PHF14: variants seen among roughly 807,000 people sequenced by gnomAD.
PHF14 encodes the protein PHD finger protein 14.
Under a neutral mutation model 117.9 loss-of-function variants are expected in PHF14, and 55 were observed. That is an observed-to-expected ratio of 0.47 (90% CI 0.38 to 0.58). The LOEUF (loss-of-function observed/expected upper bound fraction) is 0.58, where lower values mean the gene tolerates loss of function less well. PHF14 is among the 20% of genes least tolerant of loss of function. The pLI is 0.00. For synonymous variants in PHF14, 409 were observed against 368.6 expected (o/e 1.11, Z -1.26); for missense variants, 978 against 1,122.2 (o/e 0.87, Z 1.84).
At chr7:11,042,046 C>A (rs1473455165) in intron 12 of PHF14, among the ~76,000 whole-genome samples, 1 of 151,810 alleles carries the variant, frequency 6.6e-6, no homozygotes, top group East Asian at 1.9e-4. Flanking sequence ...ACCAAAAGAT[C>A]CTAAAATAAT....
chr7:10,985,432 C>G (rs1429901371), intron 3 of PHF14, among the ~76,000 whole-genome samples: 1 of 151,898 alleles, frequency 6.6e-6, no homozygotes, highest in Non-Finnish European at 1.5e-5. Flanking sequence ...TATAAGCAGG[C>G]AGACATTTTT....
At chr7:11,167,235 G>A (rs1464972986) in intron 17 of PHF14, among the ~76,000 whole-genome samples, 1 of 152,154 alleles carries the variant, frequency 6.6e-6, no homozygotes, top group East Asian at 1.9e-4. Context: ...TTAGTAGACT[G>A]TCCGTGTGAT....
Position 11,076,567 on chromosome 7 carries a change from C to CTT in PHF14, c.2654+14499_2654+14500dup, listed in dbSNP as rs71023886. On this transcript the variant is annotated intron_variant, in intron 16 of 17. Transcript: ENST00000634607. ...TTATCTTGGATATTTTTTTCTTTTT[C>CTT]TTTTTTTTTTTTTTTTTTGAGGCAG... Among the ~76,000 whole-genome samples, 445 of 124,712 alleles carry CTT rather than the reference C, an allele frequency of 3.6e-3. 6 individuals carry two copies. Among genetic ancestry groups the CTT allele is most frequent in the East Asian group, 8.2e-3 (35 of 4,270 alleles). 81.8% of individuals were successfully genotyped at this position (124,712 alleles called of 152,430 possible).
At chr7:11,112,734 G>A (rs7805731) in intron 17 of PHF14, among the ~76,000 whole-genome samples, 2,126 of 151,750 alleles carry the variant, frequency 0.014, 44 homozygotes, top group African/African-American at 0.049. Context: ...TCACGCCATT[G>A]CATGCCAACC....
intron 2 of PHF14, among the ~76,000 whole-genome samples, chr7:10,979,129 T>G (rs1781970225): frequency 6.6e-6 from 1 of 152,208 alleles, no homozygotes. Context: ...ATCATATTGA[T>G]TTTGTTATGG....
chr7:11,018,889 G>A (rs1259494595), intron 5 of PHF14, among the ~76,000 whole-genome samples: 3 of 152,032 alleles, frequency 2.0e-5, no homozygotes, highest in South Asian at 2.1e-4. Context: ...GTCATATATC[G>A]CTTTTATTAT....
chr7:11,025,798 A>AAAAAAG (rs1209200452), intron 6 of PHF14, among the ~76,000 whole-genome samples: 5 of 151,374 alleles, frequency 3.3e-5, no homozygotes, highest in Admixed American at 2.6e-4. Flanking sequence ...CCGTCTCAAA[A>AAAAAAG]AAAAAGAAAA....
chr7:11,108,482 A>C (rs1320946999), intron 16 of PHF14: 5 of 151,706 alleles, frequency 3.3e-5, no homozygotes, highest in Admixed American at 2.6e-4. Context: ...TATCACCCCT[A>C]ATTCTGACAA....
At chr7:11,162,123 C>CT (rs1789061614) in intron 17 of PHF14, among the ~76,000 whole-genome samples, 1 of 100,744 alleles carries the variant, frequency 9.9e-6, no homozygotes. Context: ...GAGCCTTGCT[C>CT]TGTCTCCCAG....
At chr7:11,165,643 A>G (rs1460652376) in intron 17 of PHF14, among the ~76,000 whole-genome samples, 3 of 152,202 alleles carry the variant, frequency 2.0e-5, no homozygotes, top group African/African-American at 7.2e-5. Context: ...CAGATGCTAA[A>G]ATAGTTGGCC....
intron 17 of PHF14, among the ~76,000 whole-genome samples, chr7:11,149,666 G>A (rs927397164): frequency 2.6e-5 from 4 of 152,058 alleles, no homozygotes; most frequent in Admixed American, 6.6e-5. Context: ...AATTTAGGGA[G>A]ATAAATAAAA....
chr7:11,040,735 G>A lies in PHF14; in HGVS notation c.2140G>A (p.Gly714Ser). 1 of 1,567,090 alleles carries A rather than the reference G, an allele frequency of 6.4e-7. No individual in the cohort carries two copies. Among genetic ancestry groups the A allele is most frequent in the Admixed American group, 1.9e-5 (1 of 53,628 alleles). Residue 714 changes from glycine (G) to serine (S), a missense_variant, in exon 12 of 18, where the codon GGC (glycine) becomes AGC (serine). Transcript: ENST00000634607. ...KERKPSKKEGGTQKTSTLPAV... is the reference protein window; with the variant it reads ...KERKPSKKEGSTQKTSTLPAV... ...GAGAAAACCAAGTAAAAAAGAAGGA[G>A]GCACACAAAAGACATCTACTCTTCC...
intron 16 of PHF14, among the ~76,000 whole-genome samples, chr7:11,093,122 T>C (rs1378135962): frequency 6.6e-6 from 1 of 152,244 alleles, no homozygotes; most frequent in Non-Finnish European, 1.5e-5. Flanking sequence ...TCATGGGTTA[T>C]TTAGAAGTGT....
chr7:11,040,596 G>T, intron 11 of PHF14, 76 bp from the exon 12 acceptor site: 1 of 598,948 alleles, frequency 1.7e-6, no homozygotes, highest in Non-Finnish European at 2.7e-6. Flanking sequence ...TACTTGGCTT[G>T]AGTGGCAATT....
intron 16 of PHF14, among the ~76,000 whole-genome samples, chr7:11,072,209 T>A (rs866644119): frequency 9.9e-5 from 15 of 152,226 alleles, no homozygotes; most frequent in Middle Eastern, 3.4e-3. Context: ...GGTAAAGGCA[T>A]CTTATGTGGC....
At chr7:11,096,881 T>C (rs755586562) in intron 16 of PHF14, among the ~76,000 whole-genome samples, 1 of 151,914 alleles carries the variant, frequency 6.6e-6, no homozygotes, top group East Asian at 1.9e-4. Flanking sequence ...AAAAAACTCA[T>C]CTTCAAATGA....
At chr7:11,122,010 C>A (rs1042686605) in intron 17 of PHF14, among the ~76,000 whole-genome samples, 2 of 151,706 alleles carry the variant, frequency 1.3e-5, no homozygotes, top group African/African-American at 4.8e-5. Flanking sequence ...ACTTCCTCCC[C>A]TTGCCCTACC....
intron 4 of PHF14, 81 bp downstream of exon 4, chr7:10,990,928 A>AT: frequency 1.1e-6 from 1 of 933,390 alleles, no homozygotes; most frequent in East Asian, 2.8e-5. Flanking sequence ...GTTCTACAAT[A>AT]TTTCATGGTG....
intron 2 of PHF14, among the ~76,000 whole-genome samples, chr7:10,981,494 T>A (rs1217685593): frequency 6.6e-6 from 1 of 152,220 alleles, no homozygotes; most frequent in Admixed American, 6.5e-5. Flanking sequence ...TGAGAGGGAC[T>A]GGGCTGCCCT....
Sources: allele counts gnomAD v4.1 joint callset (sites outside exome capture counted in the v4.1 genomes callset), GRCh38; gene constraint gnomAD v4.1.1; transcripts MANE v1.5; gene names NCBI Gene and HGNC (gene_info 2026-07-23, HGNC 2026-07-21).